The following TSPAN9 variants were observed in gnomAD, a reference collection of about 807,000 sequenced individuals.
The protein encoded by TSPAN9 is tetraspanin 9, also known as tetraspanin-9.
A neutral mutation model predicts 31.0 loss-of-function variants in TSPAN9; 16 were observed. The ratio of observed to expected loss-of-function variants is 0.52; its 90% confidence interval spans 0.35 to 0.78. The LOEUF (loss-of-function observed/expected upper bound fraction) is 0.78. TSPAN9 is among the 30% of genes least tolerant of loss of function. TSPAN9 has a pLI of 0.01. For synonymous variants in TSPAN9, 145 were observed against 121.6 expected (o/e 1.19, Z -1.27); for missense variants, 272 against 312.5 (o/e 0.87, Z 0.98).
intron 2 of TSPAN9, among the ~76,000 whole-genome samples, chr12:3,148,482 G>A (rs894792244): frequency 2.0e-5 from 3 of 152,184 alleles, no homozygotes; most frequent in African/African-American, 7.2e-5. Flanking sequence ...CAGCACCTGC[G>A]GCCTGTGAGG....
At chr12:3,270,701 AC>A (rs1480662114) in intron 3 of TSPAN9, among the ~76,000 whole-genome samples, 1 of 152,220 alleles carries the variant, frequency 6.6e-6, no homozygotes, top group African/African-American at 2.4e-5. Context: ...CATTTATCCC[AC>A]CACGCAGGGC....
chr12:3,265,498 A>G (rs1047246963), intron 3 of TSPAN9, among the ~76,000 whole-genome samples: 1 of 152,138 alleles, frequency 6.6e-6, no homozygotes. Flanking sequence ...TGAGCTGCAA[A>G]TTTGTTTATT....
chr12:3,200,235 A>G (rs2098370594), intron 2 of TSPAN9: 1 of 152,194 alleles, frequency 6.6e-6, no homozygotes, highest in African/African-American at 2.4e-5. Flanking sequence ...GTGGCTCCCC[A>G]GCGGGGCCGG....
At chr12:3,244,589 C>G (rs781014207) in intron 3 of TSPAN9, among the ~76,000 whole-genome samples, 1 of 152,196 alleles carries the variant, frequency 6.6e-6, no homozygotes, top group Non-Finnish European at 1.5e-5. Context: ...AGCCACCTCA[C>G]GCCCCACCGG....
intron 3 of TSPAN9, among the ~76,000 whole-genome samples, chr12:3,247,788 T>C (rs1591704247): frequency 6.6e-6 from 1 of 152,164 alleles, no homozygotes; most frequent in East Asian, 1.9e-4. Flanking sequence ...TGCTTGTGGT[T>C]TCCCTGTCAA....
At chr12:3,177,909 C>T (rs368411782) in intron 2 of TSPAN9, among the ~76,000 whole-genome samples, 3 of 152,172 alleles carry the variant, frequency 2.0e-5, no homozygotes, top group Non-Finnish European at 4.4e-5. Context: ...TGTCCTCGTC[C>T]GCCAGGGTGT....
At chr12:3,132,776 T>C (rs972991689) in intron 2 of TSPAN9, among the ~76,000 whole-genome samples, 9 of 152,032 alleles carry the variant, frequency 5.9e-5, no homozygotes, top group Non-Finnish European at 1.0e-4. Flanking sequence ...CCCCAGCCCA[T>C]GAAGCTTCCC....
chr12:3,110,476 T>C (rs1312285378), intron 2 of TSPAN9, among the ~76,000 whole-genome samples: 1 of 152,232 alleles, frequency 6.6e-6, no homozygotes, highest in East Asian at 1.9e-4. Flanking sequence ...CTCTTGGAGA[T>C]CTTTGGCCAG....
At chr12:3,131,314 T>C (rs1322734864) in intron 2 of TSPAN9, among the ~76,000 whole-genome samples, 1 of 152,130 alleles carries the variant, frequency 6.6e-6, no homozygotes, top group African/African-American at 2.4e-5. Flanking sequence ...ACAGTGGGAC[T>C]TGGTTGAGCC....
chr12:3,082,233 C>T (rs1038406008), intron 1 of TSPAN9, among the ~76,000 whole-genome samples: 3 of 152,090 alleles, frequency 2.0e-5, no homozygotes, highest in East Asian at 1.9e-4. Context: ...ACATGAACCC[C>T]GGAGGGGAGC....
chr12:3,091,831 C>T (rs2098304848), intron 2 of TSPAN9, among the ~76,000 whole-genome samples: 1 of 152,344 alleles, frequency 6.6e-6, no homozygotes, highest in South Asian at 2.1e-4. Flanking sequence ...GCCTCTTCAA[C>T]TGTGCTGTGG....
At chr12:3,183,722 C>G (rs544879610) in intron 2 of TSPAN9, among the ~76,000 whole-genome samples, 1 of 152,238 alleles carries the variant, frequency 6.6e-6, no homozygotes, top group South Asian at 2.1e-4. Context: ...GGCCTGGGAC[C>G]CACGCTTGGA....
intron 3 of TSPAN9, among the ~76,000 whole-genome samples, chr12:3,256,424 A>G (rs1446055638): frequency 6.6e-6 from 1 of 152,218 alleles, no homozygotes; most frequent in African/African-American, 2.4e-5. Context: ...GGCCAAGGCC[A>G]CAGGCCTGGC....
chr12:3,134,042 T>C (rs1050997149), intron 2 of TSPAN9, among the ~76,000 whole-genome samples: 18 of 152,134 alleles, frequency 1.2e-4, no homozygotes, highest in African/African-American at 3.9e-4. Context: ...AGGTGTGTAA[T>C]GTAAGGGTTG....
chr12:3,209,863 G>A (rs527804945), intron 3 of TSPAN9, among the ~76,000 whole-genome samples: 1 of 151,444 alleles, frequency 6.6e-6, no homozygotes, highest in African/African-American at 2.4e-5. Context: ...GGAGGCTGAG[G>A]CAGGAGAATG....
intron 2 of TSPAN9, 86 bp from the exon 3 acceptor site, chr12:3,201,091 C>A (rs2098371280): frequency 1.6e-6 from 2 of 1,283,170 alleles, no homozygotes; most frequent in Admixed American, 3.6e-5. Context: ...GCGCCGAGGC[C>A]GGCGTTAAGA....
At chr12:3,132,745 C>G (rs987191608) in intron 2 of TSPAN9, among the ~76,000 whole-genome samples, 21 of 152,194 alleles carry the variant, frequency 1.4e-4, no homozygotes, top group African/African-American at 5.1e-4. Flanking sequence ...TATTCAGTCT[C>G]CTCTGAAAGG....
chr12:3,256,998 G>A (rs1397913582), intron 3 of TSPAN9, among the ~76,000 whole-genome samples: 1 of 152,150 alleles, frequency 6.6e-6, no homozygotes, highest in South Asian at 2.1e-4. Context: ...TGGGTGACAG[G>A]TACCAGGCAG....
intron 2 of TSPAN9, among the ~76,000 whole-genome samples, chr12:3,120,142 T>C (rs900358611): frequency 2.0e-5 from 3 of 152,148 alleles, no homozygotes; most frequent in African/African-American, 7.2e-5. Context: ...TTTCAGCTGG[T>C]GTTAATTGGA....
Sources: gnomAD v4.1 joint callset for allele counts (sites outside exome capture counted in the v4.1 genomes callset) on GRCh38, gnomAD v4.1.1 for gene constraint, MANE v1.5 for transcripts, NCBI Gene and HGNC (gene_info 2026-07-23, HGNC 2026-07-21) for gene names.